UBE2D3: variants seen among roughly 807,000 people sequenced by gnomAD.
UBE2D3 encodes ubiquitin-conjugating enzyme E2 D3.
In UBE2D3, 2 loss-of-function variants were observed where a neutral mutation model predicts 22.8. The ratio of observed to expected loss-of-function variants is 0.09; its 90% CI spans 0.04 to 0.28. The LOEUF (loss-of-function observed/expected upper bound fraction) is 0.28, where lower values mean the gene tolerates loss of function less well. UBE2D3 is among the 10% of genes least tolerant of loss of function. The pLI, the probability that UBE2D3 is intolerant of heterozygous loss-of-function variation, is 1.00. For synonymous variants in UBE2D3, 56 were observed against 60.4 expected (o/e 0.93, Z 0.34); for missense variants, 27 against 182.5 (o/e 0.15, Z 4.91).
At position 102,795,639 on chromosome 4, in the gene UBE2D3, CCA is replaced by C. The variant is rs1268064115; in HGVS notation, c.*1774_*1775del. 2 of 152,140 alleles carry C rather than the reference CCA, an allele frequency of 1.3e-5. No homozygotes were observed. The highest frequency in any genetic ancestry group is 1.5e-5 in the Non-Finnish European group (1 of 67,912). The allele number at this position is 152,140 out of a possible 1,614,324, so 9.4% of individuals were successfully genotyped here. A position where few individuals can be genotyped will look rare whatever the true frequency, so the allele number is the denominator to read the frequency against. On this transcript the variant is annotated 3_prime_UTR_variant, in exon 8 of 8. Transcript: ENST00000453744. ...TCTTCAGAAGGCATGCATTTCACTT[CCA>C]GTTTAGAGAAGAACCTTAAGTCAAT...
chr4:102,832,758 C>T (rs1263398119), intron 1 of UBE2D3, among the ~76,000 whole-genome samples: 2 of 152,062 alleles, frequency 1.3e-5, no homozygotes, highest in Admixed American at 6.5e-5. Flanking sequence ...CCTGTAATTC[C>T]AGCACTTTGG....
rs908267454 is a variant in UBE2D3 at position 102,819,051 on chromosome 4, C to T, written c.24+7434G>A. On this transcript the variant is annotated intron_variant, in intron 2 of 7. Coordinates refer to ENST00000453744, the MANE Select transcript of UBE2D3 (RefSeq NM_181891.3). Reference sequence around the variant, plus strand: ...AAACATAAGAATGTCCCCTCCCTTGCTGGGCGTGGTGGCTCACGCTTGTAA... The same window carrying T: ...AAACATAAGAATGTCCCCTCCCTTGTTGGGCGTGGTGGCTCACGCTTGTAA... Among the ~76,000 whole-genome samples, 16 of 152,288 alleles carry T rather than the reference C, an allele frequency of 1.1e-4. 1 individual carries two copies. Among genetic ancestry groups the T allele is most frequent in the African/African-American group, 3.4e-4 (14 of 41,568 alleles).
intron 2 of UBE2D3, among the ~76,000 whole-genome samples, chr4:102,820,942 T>C (rs1418052045): frequency 1.3e-5 from 2 of 152,174 alleles, no homozygotes; most frequent in Non-Finnish European, 2.9e-5. Context: ...AAGGTCTCTT[T>C]TACAATAGAT....
At chr4:102,819,405 T>C (rs888331724) in intron 2 of UBE2D3, among the ~76,000 whole-genome samples, 1 of 152,078 alleles carries the variant, frequency 6.6e-6, no homozygotes, top group Non-Finnish European at 1.5e-5. Context: ...TTCACAAATA[T>C]TTATGAATAT....
chr4:102,828,721 A>G (rs1475647804), upstream of UBE2D3, among the ~76,000 whole-genome samples: 2 of 152,232 alleles, frequency 1.3e-5, no homozygotes, highest in East Asian at 1.9e-4. Flanking sequence ...GAAAAACAAT[A>G]CAATACTTCC....
chr4:102,797,609 A>T lies in UBE2D3; in HGVS notation c.399-149T>A, dbSNP rs1469123008. The T allele has an allele frequency of 6.0e-6, 3 of 503,462 alleles. No individual in the cohort carries two copies. The African/African-American group carries it at 6.0e-5, about 10-fold the overall frequency. The allele number at this position is 503,462 out of a possible 1,614,324, so 31.2% of individuals were successfully genotyped here. A position where few individuals can be genotyped will look rare whatever the true frequency, so the allele number is the denominator to read the frequency against. ...TTAGAATAAAAGCCAACAAGGGAGAAATAGCACTGGTACTCAAAGCAATGT... is the reference window on the plus strand; with the variant it reads ...TTAGAATAAAAGCCAACAAGGGAGATATAGCACTGGTACTCAAAGCAATGT... On this transcript the variant is annotated intron_variant, in intron 7 of 7. Coordinates refer to ENST00000453744, the MANE Select transcript of UBE2D3 (RefSeq NM_181891.3).
intron 2 of UBE2D3, chr4:102,825,096 A>T (rs902807487): frequency 3.7e-5 from 11 of 297,574 alleles, no homozygotes; most frequent in Admixed American, 6.5e-5. Context: ...TGAAACACCA[A>T]TCTTGCCAAA....
upstream of UBE2D3, chr4:102,828,162 G>A: frequency 1.0e-6 from 1 of 985,446 alleles, no homozygotes; most frequent in Non-Finnish European, 1.2e-6. Context: ...GTGGTTGGTA[G>A]AGGAAATGGA....
chr4:102,834,530 G>T (rs1731287532), intron 1 of UBE2D3, among the ~76,000 whole-genome samples: 1 of 151,926 alleles, frequency 6.6e-6, no homozygotes, highest in Admixed American at 6.6e-5. Flanking sequence ...AGGGTGGATT[G>T]CTTAAACCCA....
At chr4:102,814,293 T>C (rs1196715613) in intron 2 of UBE2D3, among the ~76,000 whole-genome samples, 5 of 106,410 alleles carry the variant, frequency 4.7e-5, no homozygotes, top group Admixed American at 2.0e-4. Context: ...ATTAAGAAAA[T>C]GACTTTTTTT....
chr4:102,830,195 A>C (rs948151521), upstream of UBE2D3, among the ~76,000 whole-genome samples: 1 of 152,194 alleles, frequency 6.6e-6, no homozygotes, highest in Non-Finnish European at 1.5e-5. Context: ...TTAAATTTTA[A>C]AACATTATTC....
chr4:102,825,994 C>T (rs977142755), intron 2 of UBE2D3: 7 of 295,246 alleles, frequency 2.4e-5, no homozygotes, highest in East Asian at 9.7e-5. Context: ...AAGACTTCTT[C>T]TACCCGACCC....
chr4:102,868,847 G>C (rs1367763275), exon 1 of UBE2D3: 3 of 1,559,302 alleles, frequency 1.9e-6, no homozygotes, highest in Non-Finnish European at 2.6e-6. Context: ...ACGAGATTCC[G>C]AGGAGGGCCT....
intron 1 of UBE2D3, among the ~76,000 whole-genome samples, chr4:102,845,497 A>G (rs1480491295): frequency 6.6e-6 from 1 of 152,200 alleles, no homozygotes; most frequent in Non-Finnish European, 1.5e-5. Flanking sequence ...CGTTGTATAC[A>G]GCTGTGATTG....
Position 102,799,408 on chromosome 4 carries a change from T to C in UBE2D3, c.397A>G (p.Lys133Glu). 2 of 1,610,822 alleles carry C rather than the reference T, an allele frequency of 1.2e-6. No individual in the cohort carries two copies. Among genetic ancestry groups the C allele is most frequent in the Non-Finnish European group, 8.5e-7 (1 of 1,177,848 alleles). Reference sequence around the variant, plus strand: ...ATAATAACTTTTTAACATACTTACTTATCTCTGTCTGTTTTATAGATCCGT... The same window carrying C: ...ATAATAACTTTTTAACATACTTACTCATCTCTGTCTGTTTTATAGATCCGT... ...IARIYKTDRD[K>E]YNRISREWTQ... Residue 133 changes from lysine to glutamate, a missense_variant and splice_region_variant, in exon 7 of 8, where the codon AAG becomes GAG. Physicochemically the swap from Lys to Glu is moderately conservative, Grantham distance 56 (BLOSUM62 1). Coordinates refer to ENST00000453744, the MANE Select transcript of UBE2D3 (RefSeq NM_181891.3).
chr4:102,851,949 C>T (rs1453305151), intron 1 of UBE2D3, among the ~76,000 whole-genome samples: 1 of 152,062 alleles, frequency 6.6e-6, no homozygotes, highest in Non-Finnish European at 1.5e-5. Flanking sequence ...GGATTACAGG[C>T]GTGAGCCACC....
intron 2 of UBE2D3, among the ~76,000 whole-genome samples, chr4:102,814,220 T>C (rs765069606): frequency 1.3e-5 from 2 of 151,716 alleles, no homozygotes; most frequent in Non-Finnish European, 2.9e-5. Flanking sequence ...TAACAGAAAA[T>C]ATTAACTGAA....
At chr4:102,860,423 ATGTGTG>A (rs869042732) in intron 1 of UBE2D3, among the ~76,000 whole-genome samples, 1 of 72,546 alleles carries the variant, frequency 1.4e-5, no homozygotes, top group Non-Finnish European at 2.8e-5. Flanking sequence ...GTGTGTGTGT[ATGTGTG>A]TGTGTGTGTG....
At position 102,868,072 on chromosome 4, in the gene UBE2D3, C is replaced by CTTTTTTTT. The variant is rs11418599; in HGVS notation, c.-129+635_-129+642dup. On this transcript the variant is annotated intron_variant, in intron 1 of 7. Transcript: ENST00000338145. ...AAAACCATACATAAGGCTTTAGATT[C>CTTTTTTTT]TTTTTTTTTTTTTTTTTTGTGACGG... Among the ~76,000 whole-genome samples the CTTTTTTTT allele has an allele frequency of 7.2e-4, 83 of 115,236 alleles. 1 individual carries two copies. Among genetic ancestry groups the CTTTTTTTT allele is most frequent in the East Asian group, 9.8e-4 (4 of 4,062 alleles). 75.6% of individuals were successfully genotyped at this position (115,236 alleles called of 152,430 possible).
Sources: gnomAD v4.1 joint callset for allele counts (sites outside exome capture counted in the v4.1 genomes callset) on GRCh38, gnomAD v4.1.1 for gene constraint, MANE v1.5 for transcripts, NCBI Gene and HGNC (gene_info 2026-07-23, HGNC 2026-07-21) for gene names.